Variants in SPATC1L observed in about 807,000 individuals in gnomAD.
SPATC1L encodes speriolin-like protein.
Under a neutral mutation model 21.2 loss-of-function variants are expected in SPATC1L, and 20 were observed. The ratio of observed to expected loss-of-function variants is 0.94; its 90% CI spans 0.66 to 1.37. SPATC1L has a LOEUF of 1.37. Ranked by LOEUF, SPATC1L falls within the 40% of genes most tolerant of loss-of-function variation. The probability of loss-of-function intolerance (pLI) is 0.00; values close to 1 mark genes in which losing one functional copy is unlikely to be tolerated. For missense variants in SPATC1L, 499 were observed against 478.7 expected (o/e 1.04, Z -0.40); for synonymous variants, 290 against 234.5 (o/e 1.24, Z -2.16).
chr21:46,168,580 C>T lies in SPATC1L; in HGVS notation c.272G>A (p.Cys91Tyr), dbSNP rs1159221259. Residue 91 changes from cysteine to tyrosine, a missense_variant, in exon 3 of 5, where the codon TGC becomes TAC. Cys to Tyr is a radical substitution (Grantham distance 194). Transcript: ENST00000291672. ...LQTSSLEDLL[C>Y]SHAPLSSEDD... ...CTCGCTGGACAGGGGGGCATGTGAG[C>T]ACAGCAGGTCCTCCAGGGAGGATGT... is the stretch of plus-strand genomic sequence containing the variant. The T allele has an allele frequency of 1.2e-5, 18 of 1,453,126 alleles. No homozygotes were observed. The Admixed American group carries it at 4.2e-4, about 34-fold the overall frequency. 90.0% of individuals were successfully genotyped at this position (1,453,126 alleles called of 1,614,324 possible). A position where few individuals can be genotyped will look rare whatever the true frequency, so the allele number is the denominator to read the frequency against.
rs547338156 is a variant in SPATC1L at position 46,161,856 on chromosome 21, G to A, written c.696+60C>T. 7.0e-4 allele frequency: 1,105 copies of A among 1,572,628 alleles called. 4 individuals are homozygous for A. The highest frequency in any genetic ancestry group is 8.9e-4 in the Non-Finnish European group (1,037 of 1,165,066). ...GGCCAGGAGCCAAGATCTGGGGGCC[G>A]CACAGGGACGGACCGAGCGCCCCGC... On this transcript the variant is annotated intron_variant, in intron 4 of 4. Transcript: ENST00000291672.
rs1302719672 is a variant in SPATC1L at position 46,168,321 on chromosome 21, G to A, written c.531C>T (p.Ser177=). ...SLPTGDRTRR[S]YYLNEIQSFA... ...ACCCGGCCATACCATTGAGGTAGTA[G>A]CTCCTCCTGGTCCTGTCCCCGGTGG... The change falls in exon 3 of 5, where the codon AGC becomes AGT. Residue 177 remains serine (S), a synonymous_variant. Coordinates refer to ENST00000291672, the MANE Select transcript of SPATC1L (RefSeq NM_001142854.2). 1 of 1,580,960 alleles carries A rather than the reference G, an allele frequency of 6.3e-7. No homozygotes were observed. Among genetic ancestry groups the A allele is most frequent in the Non-Finnish European group, 8.7e-7 (1 of 1,155,290 alleles).
Position 46,168,470 on chromosome 21 carries a change from C to T in SPATC1L, c.382G>A (p.Gly128Ser). ...AGCGGGGACAGCTTCCTGTCGGTGC[C>T]TCGGTGGCTATGTGGCTCTGGGGGA... ...LSPPEPHSHR[G>S]TDRKLSPLLS... The change falls in exon 3 of 5, where the codon GGC (glycine) becomes AGC (serine). Residue 128 changes from glycine to serine, a missense_variant. Physicochemically the swap from Gly to Ser is moderately conservative, Grantham distance 56 (BLOSUM62 0). Transcript: ENST00000291672. 6.3e-7 allele frequency: 1 copy of T among 1,586,126 alleles called. No homozygotes were observed. Among genetic ancestry groups the T allele is most frequent in the Non-Finnish European group, 8.6e-7 (1 of 1,165,846 alleles).
Position 46,172,826 on chromosome 21 carries a change from G to A in SPATC1L, c.194-4168C>T, listed in dbSNP as rs897702130. 2.0e-5 allele frequency among the ~76,000 whole-genome samples: 3 copies of A among 152,220 alleles called. No individual in the cohort carries two copies. In the South Asian group the frequency reaches 6.2e-4, roughly 32 times the overall value. On this transcript the variant is annotated intron_variant, in intron 2 of 4. Transcript: ENST00000291672. ...GATGGAGGGAGCACACAGAAGCTGG[G>A]CTGAAGGGGAGAAAGCTGGGAACCT...
At chr21:46,168,686 A>T in intron 2 of SPATC1L, 28 bp from the exon 3 acceptor site, 1 of 1,325,230 alleles carries the variant, frequency 7.5e-7, no homozygotes, top group Non-Finnish European at 9.9e-7. Context: ...GGGATGAGAA[A>T]TCAGGCTGAT....
chr21:46,178,226 C>G (rs974522408), intron 2 of SPATC1L, among the ~76,000 whole-genome samples: 2 of 133,176 alleles, frequency 1.5e-5, no homozygotes, highest in African/African-American at 5.5e-5. Context: ...GAGTGAAACT[C>G]CATCTCAAAA....
Position 46,168,659 on chromosome 21 carries a change from C to A in SPATC1L, c.194-1G>T, listed in dbSNP as rs975072941. 1.5e-5 allele frequency: 21 copies of A among 1,358,582 alleles called. No individual in the cohort carries two copies. The African/African-American group carries it at 2.3e-4, about 15-fold the overall frequency. 84.2% of individuals were successfully genotyped at this position (1,358,582 alleles called of 1,614,324 possible). ...CTCGTGAACCTTCCGAAATCTGGAA[C>A]TGAGGCGGGGAGGAAAGGGATGAGA... On this transcript the variant is annotated splice_acceptor_variant, in intron 2 of 4. Transcript: ENST00000291672. LOFTEE classifies it high-confidence loss of function.
intron 3 of SPATC1L, among the ~76,000 whole-genome samples, chr21:46,167,671 C>A (rs1206759256): frequency 6.6e-6 from 1 of 151,988 alleles, no homozygotes; most frequent in Admixed American, 6.6e-5. Flanking sequence ...AACACAAAAA[C>A]CAAAAAATTA....
In SPATC1L at chr21:46,161,537, G is replaced by A. The variant is rs777844446; in HGVS notation, c.865C>T (p.Pro289Ser). ...INTYGILKQR[P>S]DLRANPLHSS... ...TGCAGGGGGTTGGCGCGCAGGTCGG[G>A]CCGCTGCTTCAGGATTCCGTAGGTG... Residue 289 changes from proline to serine, a missense_variant, in exon 5 of 5, where the codon CCC (proline) becomes TCC (serine). Transcript: ENST00000291672. 1.2e-6 allele frequency: 2 copies of A among 1,610,358 alleles called. No individual in the cohort carries two copies. The highest frequency in any genetic ancestry group is 1.3e-5 in the African/African-American group (1 of 74,872).
intron 3 of SPATC1L, among the ~76,000 whole-genome samples, chr21:46,167,970 G>C (rs998395367): frequency 2.6e-5 from 4 of 152,118 alleles, no homozygotes; most frequent in African/African-American, 9.7e-5. Context: ...AAATTAAACA[G>C]TTTTGCTCAT....
In SPATC1L at chr21:46,183,083, A is replaced by G; in HGVS notation, c.-267T>C. 1 of 471,564 alleles carries G rather than the reference A, an allele frequency of 2.1e-6. No homozygotes were observed. The highest frequency in any genetic ancestry group is 3.7e-6 in the Non-Finnish European group (1 of 268,540). 29.2% of individuals were successfully genotyped at this position (471,564 alleles called of 1,614,324 possible). A position where few individuals can be genotyped will look rare whatever the true frequency, so the allele number is the denominator to read the frequency against. On this transcript the variant is annotated 5_prime_UTR_variant, in exon 2 of 5. Coordinates refer to ENST00000291672, the MANE Select transcript of SPATC1L (RefSeq NM_001142854.2). ...TCCCACATTATGACCAGGGCCCGAG[A>G]ATGCCAAGGACATTAGGCAGCTACG...
chr21:46,181,000 G>A (rs990054683), intron 2 of SPATC1L, among the ~76,000 whole-genome samples: 12 of 152,236 alleles, frequency 7.9e-5, no homozygotes, highest in African/African-American at 2.9e-4. Context: ...GCACAGCCTG[G>A]GCAAGGGTTG....
chr21:46,184,025 G>A (rs1179173661), intron 1 of SPATC1L, among the ~76,000 whole-genome samples: 1 of 132,006 alleles, frequency 7.6e-6, no homozygotes, highest in African/African-American at 2.6e-5. Flanking sequence ...CCCCACGATG[G>A]CCCCCACATG....
intron 3 of SPATC1L, among the ~76,000 whole-genome samples, chr21:46,166,681 G>C (rs2079542616): frequency 6.6e-6 from 1 of 152,132 alleles, no homozygotes; most frequent in Non-Finnish European, 1.5e-5. Context: ...AAGAGACAAA[G>C]AAGGTCATTA....
chr21:46,182,960 T>C lies in SPATC1L; in HGVS notation c.-144A>G, dbSNP rs2079687958. On this transcript the variant is annotated 5_prime_UTR_variant, in exon 2 of 5. An upstream open reading frame in the 5' UTR loses its in-frame stop. Coordinates refer to ENST00000291672, the MANE Select transcript of SPATC1L (RefSeq NM_001142854.2). ...TCCACGCCTTGTGATGTCACTGCCCTAGTGATGAGGTGCCCAGCACCCTGC... is the reference window on the plus strand; with the variant it reads ...TCCACGCCTTGTGATGTCACTGCCCCAGTGATGAGGTGCCCAGCACCCTGC... The C allele has an allele frequency of 1.2e-6, 1 of 856,342 alleles. No individual in the cohort carries two copies. Among genetic ancestry groups the C allele is most frequent in the South Asian group, 2.0e-5 (1 of 50,690 alleles). 53.0% of individuals were successfully genotyped at this position (856,342 alleles called of 1,614,324 possible).
Position 46,162,070 on chromosome 21 carries a change from G to T in SPATC1L, c.545-3C>A, listed in dbSNP as rs1374763363. On this transcript the variant is annotated splice_polypyrimidine_tract_variant and splice_region_variant and intron_variant, in intron 3 of 4. Transcript: ENST00000291672. ...GGCGCCCGCGAAGCTCTGGATCTCT[G>T]GGGGAGGGAAGGCCGGGGACAAGGT... The T allele has an allele frequency of 1.8e-5, 29 of 1,568,894 alleles. No individual in the cohort carries two copies. The East Asian group carries it at 5.1e-4, about 28-fold the overall frequency.
rs73384670 is a variant in SPATC1L, at chr21:46,184,393, T to A, written c.-996A>T. ...TCTTGGCTCCGAGGGTCTTGTTTTA[T>A]CAGCAGCCGGGATGCAACAGATGGG... On this transcript the variant is annotated 5_prime_UTR_variant, in exon 1 of 5. The change abolishes the stop of an existing upstream ORF in the 5' untranslated region. Coordinates refer to ENST00000291672, the MANE Select transcript of SPATC1L (RefSeq NM_001142854.2). 0.039 allele frequency: 6,214 copies of A among 158,492 alleles called. 300 individuals carry two copies. The highest frequency in any genetic ancestry group is 0.11 in the African/African-American group (4,606 of 41,508). The allele number at this position is 158,492 out of a possible 1,614,324, so 9.8% of individuals were successfully genotyped here.
Position 46,168,380 on chromosome 21 carries a change from G to T in SPATC1L, c.472C>A (p.Pro158Thr). 6.2e-7 allele frequency: 1 copy of T among 1,612,176 alleles called. No individual in the cohort carries two copies. The highest frequency in any genetic ancestry group is 2.2e-5 in the East Asian group (1 of 44,824). ...TLLEPREMVR[P>T]KKVCFSESSL... is the part of the protein sequence containing the mutation. ...CTCTCCGAGAAACACACCTTCTTAG[G>T]CCGGACCATCTCCCTGGGCTCCAGC... The change falls in exon 3 of 5, where the codon CCT (proline) becomes ACT (threonine). Residue 158 changes from proline to threonine, a missense_variant. Physicochemically the swap from Pro to Thr is conservative, Grantham distance 38. Transcript: ENST00000291672.
chr21:46,174,129 A>T (rs143108519), intron 2 of SPATC1L, among the ~76,000 whole-genome samples: 3,084 of 152,130 alleles, frequency 0.02, 50 homozygotes, highest in Non-Finnish European at 0.033. Flanking sequence ...GGAGTTCAAG[A>T]CCAGCCTGGC....
Sources: allele counts gnomAD v4.1 joint callset (sites outside exome capture counted in the v4.1 genomes callset), GRCh38; gene constraint gnomAD v4.1.1; transcripts MANE v1.5; gene names NCBI Gene and HGNC (gene_info 2026-07-23, HGNC 2026-07-21).